Variants in TUBB8 observed in about 807,000 individuals in gnomAD.
TUBB8 encodes the protein tubulin beta-8 chain.
Under a neutral mutation model 33.7 loss-of-function variants are expected in TUBB8, and 25 were observed. The observed-to-expected ratio is 0.74, with a 90% CI of 0.54 to 1.04. The LOEUF is 1.04. Ranked by LOEUF, TUBB8 falls within the 50% of genes least tolerant of loss-of-function variation. TUBB8 has a pLI of 0.00. For synonymous variants in TUBB8, 245 were observed against 240.1 expected (o/e 1.02, Z -0.19); for missense variants, 279 against 608.0 (o/e 0.46, Z 5.69).
intron 1 of TUBB8, among the ~76,000 whole-genome samples, chr10:61,599 A>G (rs1313017937): frequency 5.9e-5 from 9 of 152,244 alleles, no homozygotes; most frequent in African/African-American, 9.6e-5. Context: ...TTTTCTGTAA[A>G]TATCTATTAG....
At chr10:60,389 AAAC>A (rs2130942928) in intron 1 of TUBB8, among the ~76,000 whole-genome samples, 1 of 82,972 alleles carries the variant, frequency 1.2e-5, no homozygotes, top group Admixed American at 1.4e-4. Flanking sequence ...AGAAAAAAAC[AAAC>A]AACTCCATCA....
chr10:75,211 T>C (rs1834795215), upstream of TUBB8, among the ~76,000 whole-genome samples: 1 of 150,914 alleles, frequency 6.6e-6, no homozygotes, highest in Admixed American at 6.6e-5. Context: ...TAGCTGTGCA[T>C]GGTGGCTGGT....
intron 3 of TUBB8, 100 bp from the exon 4 acceptor site, chr10:48,214 A>G: frequency 9.5e-7 from 1 of 1,048,974 alleles, no homozygotes; most frequent in Non-Finnish European, 1.5e-6. Flanking sequence ...GTGAGGTGAG[A>G]GCACCGTTCG....
chr10:74,602 G>A (rs533255379), upstream of TUBB8, among the ~76,000 whole-genome samples: 308 of 137,390 alleles, frequency 2.2e-3, 1 homozygote, highest in African/African-American at 8.1e-3. Flanking sequence ...ACTCCAGCCT[G>A]GCGACAGAGC....
Position 47,984 on chromosome 10 carries a change from G to T in TUBB8, c.408C>A (p.Thr136=), listed in dbSNP as rs374937386. 1.2e-6 allele frequency: 2 copies of T among 1,614,060 alleles called. No homozygotes were observed. The highest frequency in any genetic ancestry group is 1.7e-4 in the Middle Eastern group (1 of 5,932). The change falls in exon 4 of 4, where the codon ACC becomes ACA. Residue 136 remains threonine, a synonymous_variant. Transcript: ENST00000568584. The part of the protein sequence containing the change: ...SCDCLQGFQL[T]HSLGGGTGSG... ...ACCCAGTCCCCCCACCCAGGGAGTG[G>T]GTCAGCTGGAAACCCTGCAGGCAGT...
Position 73,855 on chromosome 10 carries a change from C to T in TUBB8, c.-846+114G>A, listed in dbSNP as rs1210720058. On this transcript the variant is annotated intron_variant, in intron 1 of 3. Coordinates refer to the TUBB8 transcript ENST00000564130. ...TGCGCTGGGGGTGACCCGCCCAAGC[C>T]ACCATGAAGGGACGCTCGCACAAAG... 6 of 151,998 alleles carry T rather than the reference C, an allele frequency of 3.9e-5. 1 individual carries two copies. The highest frequency in any genetic ancestry group is 1.4e-4 in the African/African-American group (6 of 41,440). 9.4% of individuals were successfully genotyped at this position (151,998 alleles called of 1,614,324 possible). A position where few individuals can be genotyped will look rare whatever the true frequency, so the allele number is the denominator to read the frequency against.
At position 47,623 on chromosome 10, in the gene TUBB8, T is replaced by TG. The variant is rs1834364504; in HGVS notation, c.768dup (p.Met257HisfsTer32). ...AAATGCAGCCGGGGAAACGGGACCA[T>TG]GTTCACGGCCAGCTTCCGCAGGTCA... On this transcript the variant is annotated frameshift_variant, in exon 4 of 4. Coordinates refer to ENST00000568584, the MANE Select transcript of TUBB8 (RefSeq NM_177987.3). LOFTEE classifies it high-confidence loss of function. The TG allele has an allele frequency of 6.2e-7, 1 of 1,610,920 alleles. No homozygotes were observed.
At chr10:74,364 C>G (rs1184754084), upstream of TUBB8, among the ~76,000 whole-genome samples, 2 of 151,482 alleles carry the variant, frequency 1.3e-5, no homozygotes, top group East Asian at 3.9e-4. Flanking sequence ...GACCAGTTCA[C>G]GCCTGTAATC....
At chr10:46,585 A>T (rs1392692290), downstream of TUBB8, among the ~76,000 whole-genome samples, 1 of 134,060 alleles carries the variant, frequency 7.5e-6, no homozygotes, top group African/African-American at 2.8e-5. Flanking sequence ...AGGGTCACTG[A>T]CCCCTTTTAA....
At chr10:75,162 C>G (rs1554742992), upstream of TUBB8, among the ~76,000 whole-genome samples, 2 of 142,682 alleles carry the variant, frequency 1.4e-5, no homozygotes, top group Admixed American at 1.4e-4. Flanking sequence ...GGATTACAGG[C>G]GTGAGCCACC....
At position 66,469 on chromosome 10, in the gene TUBB8, G is replaced by A. The variant is rs534124758; in HGVS notation, c.-846+7500C>T. ...TTTCAGGCCAGTCCGGCCAACACAG[G>A]AAAACACTCTCTCTACAAATAACTT... On this transcript the variant is annotated intron_variant, in intron 1 of 3. Transcript: ENST00000564130. Among the ~76,000 whole-genome samples the A allele has an allele frequency of 1.3e-4, 20 of 152,252 alleles. No homozygotes were observed. In the South Asian group the frequency reaches 2.7e-3, roughly 21 times the overall value.
intron 1 of TUBB8, among the ~76,000 whole-genome samples, chr10:66,630 C>A (rs1474373045): frequency 6.6e-6 from 1 of 152,206 alleles, no homozygotes; most frequent in African/African-American, 2.4e-5. Context: ...ACCTGGCCAA[C>A]AGGGCAAAAC....
rs1199592213 is a variant in TUBB8 at position 59,070 on chromosome 10, A to G, written c.-845-8837T>C. Among the ~76,000 whole-genome samples, 3 of 152,158 alleles carry G rather than the reference A, an allele frequency of 2.0e-5. No homozygotes were observed. In the East Asian group the frequency reaches 5.8e-4, roughly 29 times the overall value. On this transcript the variant is annotated intron_variant, in intron 1 of 3. Coordinates refer to the TUBB8 transcript ENST00000564130. ...GATACTAGCTGTGGGTCTGTCATAT[A>G]TGACTTTTATTATGTTCAGATATGT... is the stretch of plus-strand genomic sequence containing the variant.
upstream of TUBB8, among the ~76,000 whole-genome samples, chr10:74,625 C>CAAAAAA (rs35723619): frequency 2.3e-4 from 21 of 89,644 alleles, no homozygotes; most frequent in Non-Finnish European, 3.3e-4. Flanking sequence ...GACTCAGTAT[C>CAAAAAA]AAAAAAAAAA....
intron 1 of TUBB8, among the ~76,000 whole-genome samples, chr10:59,851 C>T (rs200624039): frequency 3.3e-5 from 5 of 152,312 alleles, no homozygotes; most frequent in Non-Finnish European, 5.9e-5. Context: ...TCCTAGTTCA[C>T]TCTTGGTAAG....
upstream of TUBB8, among the ~76,000 whole-genome samples, chr10:74,642 A>G (rs1383556631): frequency 1.5e-5 from 2 of 134,458 alleles, no homozygotes; most frequent in African/African-American, 5.2e-5. Flanking sequence ...AAAAAAAAAA[A>G]AGAAAGAAAG....
At position 47,457 on chromosome 10, in the gene TUBB8, G is replaced by A. The variant is rs559882106; in HGVS notation, c.935C>T (p.Thr312Met). The change falls in exon 4 of 4, where the codon ACG becomes ATG. Residue 312 changes from threonine (T) to methionine (M), a missense_variant. Physicochemically the swap from Thr to Met is moderately conservative, Grantham distance 81 (BLOSUM62 -1). Transcript: ENST00000568584. The stretch of plus-strand genomic sequence containing the variant: ...GCGACCCCTGAAAATGGCAGCCGCC[G>A]TTAGGTAGCGGCCGTGACGGGGGTC... ...ACDPRHGRYL[T>M]AAAIFRGRMP... The A allele has an allele frequency of 2.3e-5, 37 of 1,612,256 alleles. No homozygotes were observed. The highest frequency in any genetic ancestry group is 2.1e-4 in the Middle Eastern group (1 of 4,666).
At chr10:70,748 A>T (rs1198724981) in intron 1 of TUBB8, among the ~76,000 whole-genome samples, 2 of 151,966 alleles carry the variant, frequency 1.3e-5, no homozygotes, top group Non-Finnish European at 2.9e-5. Flanking sequence ...GCTGAGGACG[A>T]ATTACTTGAA....
At chr10:60,881 G>A (rs1588277896) in intron 1 of TUBB8, among the ~76,000 whole-genome samples, 1 of 151,942 alleles carries the variant, frequency 6.6e-6, no homozygotes, top group African/African-American at 2.4e-5. Flanking sequence ...ATACACCATG[G>A]AATACTATGC....
Sources: allele counts gnomAD v4.1 joint callset (sites outside exome capture counted in the v4.1 genomes callset), GRCh38; gene constraint gnomAD v4.1.1; transcripts MANE v1.5; gene names NCBI Gene and HGNC (gene_info 2026-07-23, HGNC 2026-07-21).